The following CCNE1 variants were observed in gnomAD, a reference collection of about 807,000 sequenced individuals.
CCNE1 encodes cyclin E1, also known as G1/S-specific cyclin-E1.
CCNE1 carries 8 observed loss-of-function variants against 54.1 expected under a neutral mutation model. That is an observed-to-expected ratio of 0.15 (90% CI 0.09 to 0.27). The LOEUF (loss-of-function observed/expected upper bound fraction) is 0.27. Ranked by LOEUF, CCNE1 falls within the 10% of genes least tolerant of loss-of-function variation. The pLI, the probability that CCNE1 is intolerant of heterozygous loss-of-function variation, is 1.00. For missense variants in CCNE1, 430 were observed against 514.9 expected, an observed-to-expected ratio of 0.84 and a Z score of 1.60; for synonymous variants, 179 against 185.2, an observed-to-expected ratio of 0.97 and a Z score of 0.27.
At chr19:29,812,887 C>A in intron 3 of CCNE1, 82 bp from the exon 4 acceptor site, 1 of 1,596,160 alleles carries the variant, frequency 6.3e-7, no homozygotes, top group Non-Finnish European at 8.6e-7. Context: ...GAGCTCATAA[C>A]CTGATCAGCT....
chr19:29,821,255 C>T (rs1298109583), intron 7 of CCNE1, among the ~76,000 whole-genome samples: 1 of 152,124 alleles, frequency 6.6e-6, no homozygotes, highest in African/African-American at 2.4e-5. Context: ...GGCGTGGTGG[C>T]ACGTGCCTGT....
intron 4 of CCNE1, chr19:29,813,461 CAACAACTT>C: frequency 6.2e-6 from 1 of 161,178 alleles, no homozygotes; most frequent in Non-Finnish European, 1.3e-5. Flanking sequence ...TGTTTATAAG[CAACAACTT>C]TCCCCCTATC....
At chr19:29,815,939 G>C (rs1475965913) in intron 4 of CCNE1, among the ~76,000 whole-genome samples, 1 of 151,622 alleles carries the variant, frequency 6.6e-6, no homozygotes, top group Non-Finnish European at 1.5e-5. Context: ...AGGATGGCTT[G>C]AGTCCAGGAG....
chr19:29,813,822 C>G (rs1369521179), intron 4 of CCNE1, among the ~76,000 whole-genome samples: 2 of 152,128 alleles, frequency 1.3e-5, no homozygotes, highest in East Asian at 3.8e-4. Context: ...TGGCTGGAGA[C>G]TGTAGTTATG....
At chr19:29,821,925 G>T in intron 8 of CCNE1, 71 bp from the exon 9 acceptor site, 1 of 1,539,200 alleles carries the variant, frequency 6.5e-7, no homozygotes, top group Non-Finnish European at 8.9e-7. Flanking sequence ...ACACATTGTG[G>T]CATGGAACAT....
Position 29,817,144 on chromosome 19 carries a change from A to T in CCNE1, c.188A>T (p.Asp63Val). 1 of 1,613,892 alleles carries T rather than the reference A, an allele frequency of 6.2e-7. No homozygotes were observed. The highest frequency in any genetic ancestry group is 8.5e-7 in the Non-Finnish European group (1 of 1,179,958). ...TGTATTTTTCATTTACAGCCTTGGG[A>T]CAATAATGCAGTCTGTGCAGACCCC... ...ARDQCGSQPW[D>V]NNAVCADPCS... The change falls in exon 5 of 12, where the codon GAC becomes GTC. Residue 63 changes from aspartate (D) to valine (V), a missense_variant. Physicochemically the swap from Asp to Val is radical, Grantham distance 152. Coordinates refer to ENST00000262643, the MANE Select transcript of CCNE1 (RefSeq NM_001238.4).
chr19:29,822,038 C>A lies in CCNE1; in HGVS notation c.748C>A (p.Leu250Met), dbSNP rs1312700382. 6.2e-7 allele frequency: 1 copy of A among 1,613,592 alleles called. No homozygotes were observed. The highest frequency in any genetic ancestry group is 1.1e-5 in the South Asian group (1 of 91,070). Residue 250 changes from leucine to methionine, a missense_variant, in exon 9 of 12, where the codon CTG (leucine) becomes ATG (methionine). This residue lies in a region of CCNE1 where 303 missense variants were observed against 401.1 expected (regional missense o/e 0.76). Coordinates refer to ENST00000262643, the MANE Select transcript of CCNE1 (RefSeq NM_001238.4). Reference protein sequence around the residue: ...RLSPLTIVSWLNVYMQVAYLN... With the variant: ...RLSPLTIVSWMNVYMQVAYLN... ...AAGTCCCCTGACTATTGTGTCCTGG[C>A]TGAATGTATACATGCAGGTTGCATA... is the stretch of plus-strand genomic sequence containing the variant.
intron 4 of CCNE1, among the ~76,000 whole-genome samples, chr19:29,814,341 C>T (rs1973961319): frequency 6.6e-6 from 1 of 152,182 alleles, no homozygotes; most frequent in Admixed American, 6.5e-5. Context: ...GCAGGGCCGT[C>T]CCTGTTGCAT....
intron 4 of CCNE1, among the ~76,000 whole-genome samples, chr19:29,815,821 G>T (rs1431870301): frequency 6.7e-6 from 1 of 150,300 alleles, no homozygotes. Flanking sequence ...TAGAGACGGG[G>T]TTTCACCAGG....
intron 6 of CCNE1, 144 bp downstream of exon 6, chr19:29,817,685 T>C: frequency 1.2e-6 from 1 of 837,958 alleles, no homozygotes; most frequent in Non-Finnish European, 1.9e-6. Flanking sequence ...TGGTGGTCTT[T>C]CTGTTTTGCT....
Position 29,821,805 on chromosome 19 carries a change from A to G in CCNE1, c.693A>G (p.Leu231=), listed in dbSNP as rs1460807723. 4 of 1,610,520 alleles carry G rather than the reference A, an allele frequency of 2.5e-6. No individual in the cohort carries two copies. Among genetic ancestry groups the G allele is most frequent in the Non-Finnish European group, 3.4e-6 (4 of 1,176,714 alleles). The change falls in exon 8 of 12, where the codon TTA becomes TTG. Residue 231 remains leucine (L), a synonymous_variant. Transcript: ENST00000262643. ...GAGATGAAATTCTCACCATGGAATT[A>G]ATGATTATGAAGGTGGGTTCCAGTG... The part of the protein sequence containing the change: ...CSGDEILTME[L]MIMKALKWRL...
At chr19:29,817,350 A>G (rs1421628403) in intron 5 of CCNE1, 56 bp from the exon 6 acceptor site, 4 of 1,613,468 alleles carry the variant, frequency 2.5e-6, no homozygotes, top group Admixed American at 1.7e-5. Flanking sequence ...CCCTCATAGC[A>G]TGGACGCATT....
At position 29,812,908 on chromosome 19, in the gene CCNE1, C is replaced by A. The variant is rs374660258; in HGVS notation, c.112-61C>A. The A allele has an allele frequency of 9.3e-6, 15 of 1,605,016 alleles. No homozygotes were observed. In the African/African-American group the frequency reaches 1.1e-4, roughly 11 times the overall value. ...ATAACCTGATCAGCTTTCTCTTCTT[C>A]TCTCTGTTTTTGTCTTGTTTGGTGT... is the stretch of plus-strand genomic sequence containing the variant. On this transcript the variant is annotated intron_variant, in intron 3 of 11. Transcript: ENST00000262643.
intron 6 of CCNE1, among the ~76,000 whole-genome samples, chr19:29,820,225 G>C (rs3218057): frequency 0.016 from 2,435 of 152,274 alleles, 34 homozygotes; most frequent in Non-Finnish European, 0.023. Flanking sequence ...GGTGAGGGTG[G>C]GACAGGCCAG....
chr19:29,822,220 C>T lies in CCNE1; in HGVS notation c.841-20C>T, dbSNP rs373286257. 3.2e-4 allele frequency: 522 copies of T among 1,610,582 alleles called. 1 individual carries two copies. The African/African-American group carries it at 5.6e-3, about 17-fold the overall frequency. On this transcript the variant is annotated intron_variant, in intron 9 of 11. Coordinates refer to ENST00000262643, the MANE Select transcript of CCNE1 (RefSeq NM_001238.4). The stretch of plus-strand genomic sequence containing the variant: ...AGGCGTGTGGTGGCATCCATCTCAG[C>T]GTTCTTTTCTTCTCCGTAGCTGTTG...
At chr19:29,812,352 A>AGGGCGGCGG (rs1164716407) in intron 1 of CCNE1, among the ~76,000 whole-genome samples, 180 bp from the exon 2 acceptor site, 1 of 141,512 alleles carries the variant, frequency 7.1e-6, no homozygotes, top group Non-Finnish European at 1.6e-5. Flanking sequence ...CGGGCCGGTG[A>AGGGCGGCGG]GGGCGGCGGG....
intron 4 of CCNE1, among the ~76,000 whole-genome samples, chr19:29,815,843 G>A (rs1370398444): frequency 6.6e-6 from 1 of 150,574 alleles, no homozygotes; most frequent in African/African-American, 2.4e-5. Flanking sequence ...TGGCCAGGCT[G>A]GTGGTCTCTG....
chr19:29,815,690 G>A (rs1973999167), intron 4 of CCNE1, among the ~76,000 whole-genome samples: 1 of 147,702 alleles, frequency 6.8e-6, no homozygotes, highest in African/African-American at 2.5e-5. Context: ...GAGCAATGGC[G>A]CGAGCTCGGC....
At chr19:29,820,003 C>T (rs930331124) in intron 6 of CCNE1, among the ~76,000 whole-genome samples, 1 of 152,256 alleles carries the variant, frequency 6.6e-6, no homozygotes, top group African/African-American at 2.4e-5. Flanking sequence ...GAAAGCACTT[C>T]ACGGCTTCTC....
Sources: gnomAD v4.1 joint callset for allele counts (sites outside exome capture counted in the v4.1 genomes callset) on GRCh38, gnomAD v4.1.1 for gene constraint, gnomAD v4.1.1 regional missense constraint, MANE v1.5 for transcripts, NCBI Gene and HGNC (gene_info 2026-07-23, HGNC 2026-07-21) for gene names.